TRPC7: variants seen among roughly 807,000 people sequenced by gnomAD.
The protein encoded by TRPC7 is short transient receptor potential channel 7.
A neutral mutation model predicts 90.1 loss-of-function variants in TRPC7; 42 were observed. The ratio of observed to expected loss-of-function variants is 0.47; its 90% CI spans 0.36 to 0.60. TRPC7 has a LOEUF of 0.60. Ranked by LOEUF, TRPC7 falls within the 20% of genes least tolerant of loss-of-function variation. TRPC7 has a pLI of 0.00. For synonymous variants in TRPC7, 451 were observed against 436.3 expected (o/e 1.03, Z -0.42); for missense variants, 955 against 1,112.3 (o/e 0.86, Z 2.01).
intron 3 of TRPC7, among the ~76,000 whole-genome samples, chr5:136,278,851 G>A (rs947011334): frequency 6.6e-6 from 1 of 152,066 alleles, no homozygotes; most frequent in African/African-American, 2.4e-5. Flanking sequence ...TCATTGCTTG[G>A]AGATTCTATC....
At chr5:136,289,465 G>A (rs543378178) in intron 3 of TRPC7, among the ~76,000 whole-genome samples, 7 of 152,358 alleles carry the variant, frequency 4.6e-5, no homozygotes, top group East Asian at 3.9e-4. Context: ...CTCTTCCAAC[G>A]GGCTTAACAA....
At chr5:136,332,766 A>G (rs1759538596) in intron 2 of TRPC7, among the ~76,000 whole-genome samples, 1 of 152,232 alleles carries the variant, frequency 6.6e-6, no homozygotes, top group African/African-American at 2.4e-5. Context: ...AGGTTTCACA[A>G]TTGCTTAGCA....
chr5:136,220,018 A>G (rs1755402873), intron 10 of TRPC7, among the ~76,000 whole-genome samples: 1 of 152,238 alleles, frequency 6.6e-6, no homozygotes, highest in Non-Finnish European at 1.5e-5. Context: ...ATGGACATTT[A>G]TCACTTTCCT....
At chr5:136,342,774 C>A (rs1225163896) in intron 2 of TRPC7, among the ~76,000 whole-genome samples, 2 of 152,206 alleles carry the variant, frequency 1.3e-5, no homozygotes, top group Non-Finnish European at 2.9e-5. Flanking sequence ...TTCCAAATTA[C>A]TATACAGCCT....
chr5:136,279,990 TG>T (rs776796906), intron 3 of TRPC7, among the ~76,000 whole-genome samples: 161 of 150,434 alleles, frequency 1.1e-3, no homozygotes, highest in Non-Finnish European at 2.1e-3. Flanking sequence ...CCATCTCTAC[TG>T]AAAAAAAAAA....
At chr5:136,228,129 TCAA>T (rs1755689647) in intron 8 of TRPC7, among the ~76,000 whole-genome samples, 1 of 152,188 alleles carries the variant, frequency 6.6e-6, no homozygotes, top group Admixed American at 6.5e-5. Flanking sequence ...AATCAGCTAT[TCAA>T]CAGCTAGTTA....
Position 136,265,146 on chromosome 5 carries a change from A to G in TRPC7, c.1345+1074T>C, listed in dbSNP as rs148350873. On this transcript the variant is annotated intron_variant, in intron 5 of 11. Coordinates refer to ENST00000513104, the MANE Select transcript of TRPC7 (RefSeq NM_020389.3). Reference sequence around the variant, plus strand: ...CTTTTCAAGTATTTGTTCTACTGTGATTTTGTTGATTTGACCCGAATACAT... The same window carrying G: ...CTTTTCAAGTATTTGTTCTACTGTGGTTTTGTTGATTTGACCCGAATACAT... Among the ~76,000 whole-genome samples the G allele has an allele frequency of 3.9e-5, 6 of 152,270 alleles. No homozygotes were observed. The East Asian group carries it at 1.2e-3, about 29-fold the overall frequency.
chr5:136,318,939 A>G (rs943632916), intron 2 of TRPC7, among the ~76,000 whole-genome samples: 2 of 151,764 alleles, frequency 1.3e-5, no homozygotes, highest in Admixed American at 1.3e-4. Context: ...TTTTATTCCA[A>G]TGTCCCCACT....
chr5:136,314,318 A>C (rs1424436031), intron 3 of TRPC7: 1 of 152,230 alleles, frequency 6.6e-6, no homozygotes, highest in Non-Finnish European at 1.5e-5. Context: ...CAGCAGCTTC[A>C]GGGAGTGACT....
rs751472048 is a variant in TRPC7 at position 136,356,757 on chromosome 5, A to T, written c.631T>A (p.Ser211Thr). 8 of 1,612,146 alleles carry T rather than the reference A, an allele frequency of 5.0e-6. No homozygotes were observed. Among genetic ancestry groups the T allele is most frequent in the Non-Finnish European group, 5.9e-6 (7 of 1,178,906 alleles). Residue 211 changes from serine (S) to threonine (T), a missense_variant, in exon 2 of 12, where the codon TCC (serine) becomes ACC (threonine). By Grantham distance (58) the Ser-to-Thr change is moderately conservative. This residue lies in a region of TRPC7 where 484 missense variants were observed against 509.6 expected (regional missense o/e 0.95). Coordinates refer to ENST00000513104, the MANE Select transcript of TRPC7 (RefSeq NM_020389.3). ...ATGCGCGAGCGCGAGTGGCTGAAGGAGTCTTTCCGCTGTTTCTCGGTGCAC... is the reference window on the plus strand; with the variant it reads ...ATGCGCGAGCGCGAGTGGCTGAAGGTGTCTTTCCGCTGTTTCTCGGTGCAC... ...NECTEKQRKD[S>T]FSHSRSRMNA...
intron 3 of TRPC7, among the ~76,000 whole-genome samples, chr5:136,296,193 C>A (rs1473041223): frequency 6.6e-6 from 1 of 152,022 alleles, no homozygotes; most frequent in Non-Finnish European, 1.5e-5. Context: ...TGCTTAGTAA[C>A]CAGAGGAATG....
At chr5:136,226,709 C>T (rs558398387) in intron 8 of TRPC7, among the ~76,000 whole-genome samples, 3 of 152,312 alleles carry the variant, frequency 2.0e-5, no homozygotes, top group East Asian at 3.9e-4. Flanking sequence ...AGATGAGCCA[C>T]ATAGGTAAGT....
At chr5:136,237,537 G>T (rs562656456) in intron 7 of TRPC7, among the ~76,000 whole-genome samples, 1 of 152,316 alleles carries the variant, frequency 6.6e-6, no homozygotes, top group East Asian at 1.9e-4. Flanking sequence ...GTTGAGTCCA[G>T]GTGATGATGA....
chr5:136,346,282 G>A (rs991873628), intron 2 of TRPC7, among the ~76,000 whole-genome samples: 1 of 151,976 alleles, frequency 6.6e-6, no homozygotes, highest in Non-Finnish European at 1.5e-5. Flanking sequence ...TTAGATGGTG[G>A]AATTAATGCT....
At chr5:136,246,599 C>T (rs1347105826) in intron 7 of TRPC7, among the ~76,000 whole-genome samples, 1 of 152,224 alleles carries the variant, frequency 6.6e-6, no homozygotes, top group Non-Finnish European at 1.5e-5. Flanking sequence ...ATCTTCACTT[C>T]ACACACCTCT....
chr5:136,311,376 G>A (rs1758821079), intron 3 of TRPC7, among the ~76,000 whole-genome samples: 1 of 152,158 alleles, frequency 6.6e-6, no homozygotes, highest in Non-Finnish European at 1.5e-5. Context: ...AACTCTGTCT[G>A]GGTCTCTGTT....
intron 7 of TRPC7, among the ~76,000 whole-genome samples, chr5:136,236,484 G>A (rs1755985697): frequency 1.3e-5 from 2 of 152,202 alleles, no homozygotes; most frequent in Admixed American, 1.3e-4. Flanking sequence ...CAGTGGAAGG[G>A]ACTGAAGTTA....
chr5:136,243,574 C>G (rs1488644010), intron 7 of TRPC7, among the ~76,000 whole-genome samples: 1 of 151,854 alleles, frequency 6.6e-6, no homozygotes, highest in Non-Finnish European at 1.5e-5. Context: ...AAACATTCAC[C>G]TGAGTGAAGT....
intron 7 of TRPC7, among the ~76,000 whole-genome samples, chr5:136,236,602 T>A (rs1290411317): frequency 6.6e-6 from 1 of 152,054 alleles, no homozygotes; most frequent in Non-Finnish European, 1.5e-5. Flanking sequence ...TGGGAGGGAA[T>A]GTGGGTGTGT....
Sources: gnomAD v4.1 joint callset for allele counts (sites outside exome capture counted in the v4.1 genomes callset) on GRCh38, gnomAD v4.1.1 for gene constraint, gnomAD v4.1.1 regional missense constraint, MANE v1.5 for transcripts, NCBI Gene and HGNC (gene_info 2026-07-23, HGNC 2026-07-21) for gene names.